ABL1: variants seen among roughly 807,000 people sequenced by gnomAD.
ABL1 encodes tyrosine-protein kinase ABL1.
In ABL1, 11 loss-of-function variants were observed where a neutral mutation model predicts 94.7. The ratio of observed to expected loss-of-function variants is 0.12; its 90% CI spans 0.07 to 0.19. The LOEUF (loss-of-function observed/expected upper bound fraction) is 0.19, where lower values mean the gene tolerates loss of function less well. Among genes scored for constraint, ABL1 ranks in the 10% least tolerant of loss-of-function variants. ABL1 has a pLI of 1.00. For missense variants in ABL1, 1,082 were observed against 1,489.4 expected (o/e 0.73, Z 4.50); for synonymous variants, 656 against 622.4 (o/e 1.05, Z -0.80).
chr9:130,873,601 G>T (rs1831291046), intron 6 of ABL1, among the ~76,000 whole-genome samples: 1 of 152,214 alleles, frequency 6.6e-6, no homozygotes. Context: ...TGTCAGAATT[G>T]TGTATGTGGA....
At chr9:130,855,233 A>G (rs150607884) in intron 3 of ABL1, 137 bp downstream of exon 3, 3 of 1,003,216 alleles carry the variant, frequency 3.0e-6, no homozygotes, top group African/African-American at 1.6e-5. Context: ...GAGTCATTCC[A>G]TTAGCCTTAT....
chr9:130,850,571 A>T (rs1002990898), intron 1 of ABL1, among the ~76,000 whole-genome samples: 3 of 152,178 alleles, frequency 2.0e-5, no homozygotes, highest in African/African-American at 7.2e-5. Flanking sequence ...CAGTGGCATG[A>T]TCTCAGCTTA....
At chr9:130,807,313 A>G (rs1830138735) in intron 1 of ABL1, among the ~76,000 whole-genome samples, 1 of 151,976 alleles carries the variant, frequency 6.6e-6, no homozygotes, top group Admixed American at 6.6e-5. Context: ...CAGTGCCACA[A>G]TCTCAGCTCA....
chr9:130,871,024 T>G (rs758658623), intron 4 of ABL1, among the ~76,000 whole-genome samples: 1 of 152,224 alleles, frequency 6.6e-6, no homozygotes, highest in Non-Finnish European at 1.5e-5. Context: ...GTTCTACGTT[T>G]AATAGAAAGT....
intron 1 of ABL1, among the ~76,000 whole-genome samples, chr9:130,751,820 A>T (rs1831971258): frequency 6.6e-6 from 1 of 152,176 alleles, no homozygotes; most frequent in South Asian, 2.1e-4. Context: ...GAAGCAACAG[A>T]TGTGTGCTGG....
intron 3 of ABL1, among the ~76,000 whole-genome samples, chr9:130,861,197 G>A (rs1588271859): frequency 6.6e-6 from 1 of 152,314 alleles, no homozygotes; most frequent in East Asian, 1.9e-4. Context: ...TACACCTTGA[G>A]CAAGTTCCCC....
chr9:130,721,412 T>G (rs1301482877), intron 1 of ABL1, among the ~76,000 whole-genome samples: 1 of 151,734 alleles, frequency 6.6e-6, no homozygotes, highest in Non-Finnish European at 1.5e-5. Flanking sequence ...CTCATTACTC[T>G]TAAAATTATA....
intron 1 of ABL1, among the ~76,000 whole-genome samples, chr9:130,750,644 CTTTTTTTTTTT>C (rs71389345): frequency 7.3e-4 from 64 of 87,290 alleles, no homozygotes; most frequent in Non-Finnish European, 9.8e-4. Flanking sequence ...CTTTTTCTTT[CTTTTTTTTTTT>C]TTTTTTTTTG....
intron 1 of ABL1, among the ~76,000 whole-genome samples, chr9:130,841,350 G>C (rs777454589): frequency 8.0e-4 from 120 of 150,832 alleles, no homozygotes; most frequent in Admixed American, 1.7e-3. Flanking sequence ...CTCGTGATCC[G>C]CCCACCTCGG....
chr9:130,837,338 G>A (rs1245280243), intron 1 of ABL1, among the ~76,000 whole-genome samples: 18 of 152,152 alleles, frequency 1.2e-4, no homozygotes, highest in Admixed American at 1.1e-3. Flanking sequence ...CTTTGCAGAT[G>A]GGTGCCTAAG....
At chr9:130,752,886 G>A (rs765281475) in intron 1 of ABL1, among the ~76,000 whole-genome samples, 6 of 151,938 alleles carry the variant, frequency 3.9e-5, no homozygotes, top group Non-Finnish European at 5.9e-5. Context: ...TTGAACCCGC[G>A]AGGCGGAGGT....
chr9:130,771,091 C>G (rs1011160490), intron 1 of ABL1, among the ~76,000 whole-genome samples: 8 of 152,170 alleles, frequency 5.3e-5, no homozygotes, highest in Admixed American at 5.2e-4. Context: ...TATATAACAT[C>G]CTATTGGGAT....
At chr9:130,833,104 AAT>A (rs150632763), upstream of ABL1, among the ~76,000 whole-genome samples, 1,585 of 152,036 alleles carry the variant, frequency 0.01, 28 homozygotes, top group Middle Eastern at 0.014. Context: ...AGCTTAAAAA[AAT>A]AAACATATAC....
intron 1 of ABL1, among the ~76,000 whole-genome samples, chr9:130,724,221 G>T (rs2132679969): frequency 6.6e-6 from 1 of 152,278 alleles, no homozygotes; most frequent in East Asian, 1.9e-4. Context: ...CTGTAAGCTT[G>T]TGAATGCAGG....
At position 130,884,605 on chromosome 9, in the gene ABL1, C is replaced by G. The variant is rs759729920; in HGVS notation, c.2315C>G (p.Ser772Cys). 5.6e-6 allele frequency: 9 copies of G among 1,613,242 alleles called. No individual in the cohort carries two copies. Among genetic ancestry groups the G allele is most frequent in the African/African-American group, 1.3e-5 (1 of 74,916 alleles). The change falls in exon 11 of 11, where the codon TCT becomes TGT. Residue 772 changes from serine (S) to cysteine (C), a missense_variant. By Grantham distance (112) the Ser-to-Cys change is moderately radical (BLOSUM62 -1). This residue lies in a region of ABL1 where 780 missense variants were observed against 835.8 expected (regional missense o/e 0.93). Transcript: ENST00000318560. This position sits in a 1 kb window ranked among gnomAD's most constrained non-coding sequence, Gnocchi z 5.6. ...LPRKRAGENR[S>C]DQVTRGTVTP... ...CGGAAGAGGGCAGGGGAGAACAGGT[C>G]TGACCAGGTGACCCGAGGCACAGTA... is the stretch of plus-strand genomic sequence containing the variant.
intron 1 of ABL1, among the ~76,000 whole-genome samples, chr9:130,824,051 T>A (rs1279562008): frequency 2.0e-5 from 3 of 152,240 alleles, no homozygotes. Context: ...TACAGTTCTC[T>A]CCAGAGACAC....
chr9:130,757,432 C>T (rs1832054873), intron 1 of ABL1, among the ~76,000 whole-genome samples: 1 of 151,512 alleles, frequency 6.6e-6, no homozygotes, highest in African/African-American at 2.4e-5. Context: ...CATGGTAGCG[C>T]ATGCTTGTAG....
chr9:130,770,207 G>A (rs1832236251), intron 1 of ABL1, among the ~76,000 whole-genome samples: 1 of 151,560 alleles, frequency 6.6e-6, no homozygotes, highest in African/African-American at 2.4e-5. Flanking sequence ...AACCCTAGAA[G>A]ATTATTAAGA....
In ABL1 at chr9:130,885,752, G is replaced by T. The variant is rs1056174; in HGVS notation, c.*69G>T. ...AGCACATGCGGGCTCGCCCATACCC[G>T]TGACAGTGGCTGACAAGGGACTAGT... is the stretch of plus-strand genomic sequence containing the variant. On this transcript the variant is annotated 3_prime_UTR_variant, in exon 11 of 11. Transcript: ENST00000318560. 1 of 1,527,226 alleles carries T rather than the reference G, an allele frequency of 6.5e-7. No homozygotes were observed. Among genetic ancestry groups the T allele is most frequent in the African/African-American group, 1.4e-5 (1 of 72,538 alleles). The allele number at this position is 1,527,226 out of a possible 1,614,324, so 94.6% of individuals were successfully genotyped here. A position where few individuals can be genotyped will look rare whatever the true frequency, so the allele number is the denominator to read the frequency against.
Sources: gnomAD v4.1 joint callset for allele counts (sites outside exome capture counted in the v4.1 genomes callset) on GRCh38, gnomAD v4.1.1 for gene constraint, gnomAD v4.1.1 regional missense constraint, Gnocchi (gnomAD v3.1) non-coding constraint, MANE v1.5 for transcripts, NCBI Gene and HGNC (gene_info 2026-07-23, HGNC 2026-07-21) for gene names.